NSD2: variants seen among roughly 807,000 people sequenced by gnomAD.
NSD2 encodes the protein nuclear receptor binding SET domain protein 2.
In NSD2, 12 loss-of-function variants were observed where a neutral mutation model predicts 139.0. The ratio of observed to expected loss-of-function variants is 0.09; its 90% CI spans 0.06 to 0.14. NSD2 has a LOEUF of 0.14. Ranked by LOEUF, NSD2 falls within the 10% of genes least tolerant of loss-of-function variation. The pLI is 1.00. For missense variants in NSD2, 1,155 were observed against 1,745.0 expected (o/e 0.66, Z 6.02); for synonymous variants, 669 against 648.7 (o/e 1.03, Z -0.48).
At chr4:1,949,309 C>T (rs1723966961) in intron 9 of NSD2, among the ~76,000 whole-genome samples, 2 of 152,212 alleles carry the variant, frequency 1.3e-5, no homozygotes, top group African/African-American at 2.4e-5. Flanking sequence ...GTTCATGACG[C>T]TAGTCCATCT....
intron 1 of NSD2, among the ~76,000 whole-genome samples, chr4:1,890,807 A>G (rs1016693214): frequency 2.0e-5 from 3 of 151,774 alleles, no homozygotes; most frequent in Non-Finnish European, 2.9e-5. Context: ...CATGTTGGCC[A>G]GGCTGGTCTC....
chr4:1,917,217 A>G (rs959871728), intron 4 of NSD2, among the ~76,000 whole-genome samples, 180 bp downstream of exon 4: 7 of 152,084 alleles, frequency 4.6e-5, no homozygotes, highest in African/African-American at 1.2e-4. Context: ...TCTTTTAGAG[A>G]CACAACTGAT....
intron 18 of NSD2, 127 bp downstream of exon 18, chr4:1,961,278 C>A (rs1725339547): frequency 1.3e-6 from 1 of 750,218 alleles, no homozygotes; most frequent in Non-Finnish European, 2.2e-6. Context: ...TATTTTCAAA[C>A]ATCTGCACAT....
Position 1,900,787 on chromosome 4 carries a change from T to A in NSD2, c.133T>A (p.Ser45Thr). 2 of 1,614,130 alleles carry A rather than the reference T, an allele frequency of 1.2e-6. No individual in the cohort carries two copies. The highest frequency in any genetic ancestry group is 1.7e-6 in the Non-Finnish European group (2 of 1,180,028). Residue 45 changes from serine to threonine, a missense_variant, in exon 2 of 22, where the codon TCT (serine) becomes ACT (threonine). By Grantham distance (58) the Ser-to-Thr change is moderately conservative (BLOSUM62 1). This residue lies in a region of NSD2 where 246 missense variants were observed against 262.8 expected (regional missense o/e 0.94). Coordinates refer to ENST00000508803, the MANE Select transcript of NSD2 (RefSeq NM_001042424.3). Reference protein sequence around the residue: ...TPSCEVNRECSVFLSKAQLSS... With the variant: ...TPSCEVNRECTVFLSKAQLSS... ...GAGCTGCGAGGTGAACCGCGAGTGT[T>A]CTGTGTTCCTCAGCAAAGCCCAGCT... is the stretch of plus-strand genomic sequence containing the variant.
Position 1,938,493 on chromosome 4 carries a change from A to G in NSD2, c.1717A>G (p.Lys573Glu), listed in dbSNP as rs538038976. The change falls in exon 8 of 22, where the codon AAG becomes GAG. Residue 573 changes from lysine (K) to glutamate (E), a missense_variant. Lys to Glu is a moderately conservative substitution (Grantham distance 56). Coordinates refer to ENST00000508803, the MANE Select transcript of NSD2 (RefSeq NM_001042424.3). ...CAAAACGGCCAGAACAAGCTCTTAC[A>G]AGGCCATGGAGGCAGCCTCCTCGCT... ...TDKTARTSSY[K>E]AMEAASSLKS... 6.3e-7 allele frequency: 1 copy of G among 1,597,936 alleles called. No individual in the cohort carries two copies. The highest frequency in any genetic ancestry group is 1.4e-5 in the African/African-American group (1 of 71,446).
intron 6 of NSD2, among the ~76,000 whole-genome samples, chr4:1,934,311 C>T (rs1448358006): frequency 6.6e-6 from 1 of 151,494 alleles, no homozygotes; most frequent in African/African-American, 2.4e-5. Context: ...TCTCAAACTC[C>T]CGACCTCAGG....
chr4:1,902,499 C>T (rs1333459363), intron 2 of NSD2, among the ~76,000 whole-genome samples: 2 of 152,144 alleles, frequency 1.3e-5, no homozygotes, highest in African/African-American at 2.4e-5. Context: ...GCTCGAGTTA[C>T]AGGTATGAGC....
rs762019994 is a variant in NSD2 at position 1,900,705 on chromosome 4, G to C, written c.51G>C (p.Lys17Asn). 19 of 1,613,128 alleles carry C rather than the reference G, an allele frequency of 1.2e-5. 1 individual carries two copies. In the Admixed American group the frequency reaches 3.2e-4, roughly 27 times the overall value. ...CCCTTTCTGTTCAGAGTGTTGTAAA[G>C]TGCATAAAGATGAAGCAGGCACCAG... ...QSPLSVQSVV[K>N]CIKMKQAPEI... Residue 17 changes from lysine (K) to asparagine (N), a missense_variant, in exon 2 of 22, where the codon AAG (lysine) becomes AAC (asparagine). Physicochemically the swap from Lys to Asn is moderately conservative, Grantham distance 94. Transcript: ENST00000508803.
chr4:1,953,950 A>G (rs1249847919), intron 12 of NSD2, among the ~76,000 whole-genome samples: 1 of 150,326 alleles, frequency 6.7e-6, no homozygotes. Context: ...AGCTGGAACT[A>G]CAGGCACATG....
intron 7 of NSD2, among the ~76,000 whole-genome samples, chr4:1,936,287 C>G (rs1443254179): frequency 6.6e-6 from 1 of 152,220 alleles, no homozygotes; most frequent in East Asian, 1.9e-4. Context: ...TGGTGCCATT[C>G]ATTTCAACTG....
At chr4:1,887,609 G>A (rs1237693938) in intron 1 of NSD2, 2 of 152,452 alleles carry the variant, frequency 1.3e-5, no homozygotes, top group African/African-American at 4.8e-5. Context: ...CCAAAGTGCT[G>A]GGATTACAGG....
rs1397181028 is a variant in NSD2, at chr4:1,981,445, T to C, written c.*2536T>C. ...ATCAGCTTCAATCCTCCATCATTAATGTGAAGCAAAACACAAAAACCGCCC... is the reference window on the plus strand; with the variant it reads ...ATCAGCTTCAATCCTCCATCATTAACGTGAAGCAAAACACAAAAACCGCCC... On this transcript the variant is annotated 3_prime_UTR_variant, in exon 22 of 22. Transcript: ENST00000508803. 1.3e-5 allele frequency: 3 copies of C among 235,916 alleles called. No homozygotes were observed. The highest frequency in any genetic ancestry group is 2.5e-5 in the Non-Finnish European group (3 of 120,044). 14.6% of individuals were successfully genotyped at this position (235,916 alleles called of 1,614,324 possible).
At chr4:1,937,698 G>T (rs920372176) in intron 7 of NSD2, among the ~76,000 whole-genome samples, 1 of 152,134 alleles carries the variant, frequency 6.6e-6, no homozygotes, top group African/African-American at 2.4e-5. Flanking sequence ...CCACCTCACC[G>T]CATCCTGTCT....
chr4:1,966,513 C>T (rs1008229678), intron 18 of NSD2, among the ~76,000 whole-genome samples: 61 of 151,812 alleles, frequency 4.0e-4, no homozygotes, highest in African/African-American at 1.5e-3. Context: ...AAAAATTAGC[C>T]GGGCGTGGTG....
At chr4:1,919,433 A>G (rs181555761) in intron 5 of NSD2, among the ~76,000 whole-genome samples, 3 of 152,234 alleles carry the variant, frequency 2.0e-5, no homozygotes, top group African/African-American at 4.8e-5. Flanking sequence ...AATTGTTTGC[A>G]TAAAATGCAC....
At chr4:1,944,372 T>C in intron 9 of NSD2, 1 of 1,065,930 alleles carries the variant, frequency 9.4e-7, no homozygotes, top group Non-Finnish European at 1.1e-6. Flanking sequence ...TGGAATTCCT[T>C]CATTTCATAA....
intron 1 of NSD2, among the ~76,000 whole-genome samples, chr4:1,895,438 C>A (rs904153119): frequency 2.0e-5 from 3 of 152,100 alleles, no homozygotes; most frequent in African/African-American, 7.2e-5. Context: ...CTTTATCAGC[C>A]CTTTTCCTTG....
At chr4:1,888,192 C>T (rs1715257682) in intron 1 of NSD2, among the ~76,000 whole-genome samples, 1 of 152,044 alleles carries the variant, frequency 6.6e-6, no homozygotes, top group African/African-American at 2.4e-5. Context: ...GTGGGTGGAT[C>T]ACCTGAGGTC....
At position 1,953,378 on chromosome 4, in the gene NSD2, T is replaced by C. The variant is rs927209802; in HGVS notation, c.2192T>C (p.Val731Ala). 5 of 1,614,120 alleles carry C rather than the reference T, an allele frequency of 3.1e-6. No individual in the cohort carries two copies. Among genetic ancestry groups the C allele is most frequent in the Admixed American group, 1.7e-5 (1 of 60,008 alleles). The change falls in exon 12 of 22, where the codon GTG becomes GCG. Residue 731 changes from valine to alanine, a missense_variant. This residue lies in a region of NSD2 where 120 missense variants were observed against 239.3 expected (regional missense o/e 0.50). Coordinates refer to ENST00000508803, the MANE Select transcript of NSD2 (RefSeq NM_001042424.3). ...AGCAAGACAGATGTTAAGCGCTGTGTGGTAACTCAGTGTGGAAAATTTTAC... is the reference window on the plus strand; with the variant it reads ...AGCAAGACAGATGTTAAGCGCTGTGCGGTAACTCAGTGTGGAAAATTTTAC... Reference protein sequence around the residue: ...KESKTDVKRCVVTQCGKFYHE... With the variant: ...KESKTDVKRCAVTQCGKFYHE...
Sources: allele counts gnomAD v4.1 joint callset (sites outside exome capture counted in the v4.1 genomes callset), GRCh38; gene constraint gnomAD v4.1.1; regional missense constraint gnomAD v4.1.1; transcripts MANE v1.5; gene names NCBI Gene and HGNC (gene_info 2026-07-23, HGNC 2026-07-21).